TUT4: variants seen among roughly 807,000 people sequenced by gnomAD.
TUT4 encodes terminal uridylyl transferase 4, also known as terminal uridylyltransferase 4.
TUT4 carries 36 observed loss-of-function variants against 192.2 expected under a neutral mutation model. The ratio of observed to expected loss-of-function variants is 0.19; its 90% CI spans 0.14 to 0.25. TUT4 has a LOEUF of 0.25. TUT4 is among the 10% of genes least tolerant of loss of function. The pLI, the probability that TUT4 is intolerant of heterozygous loss-of-function variation, is 1.00. For synonymous variants in TUT4, 618 were observed against 666.0 expected (o/e 0.93, Z 1.11); for missense variants, 1,493 against 1,957.2 (o/e 0.76, Z 4.47).
At chr1:52,437,119 T>C in intron 25 of TUT4, 141 bp from the exon 26 acceptor site, 1 of 1,152,014 alleles carries the variant, frequency 8.7e-7, no homozygotes, top group South Asian at 1.8e-5. Context: ...CAAACATTTA[T>C]GGCACACCTG....
chr1:52,434,025 T>C (rs530409903), intron 27 of TUT4: 1 of 152,340 alleles, frequency 6.6e-6, no homozygotes, highest in East Asian at 1.9e-4. Context: ...TTATTTTCTA[T>C]ACTTTTCTGT....
chr1:52,479,509 T>A (rs1667941643), intron 11 of TUT4, among the ~76,000 whole-genome samples: 1 of 152,024 alleles, frequency 6.6e-6, no homozygotes, highest in Admixed American at 6.6e-5. Flanking sequence ...ATGACAGGAT[T>A]TCCTGACAAG....
At position 52,438,313 on chromosome 1, in the gene TUT4, A is replaced by T. The variant is rs372832198; in HGVS notation, c.3845T>A (p.Val1282Glu). ...GGGAGCCAGTTCTCCATCTGTTAATACTCTGGAATCAAAGAAGTACTCCTA... is the reference window on the plus strand; with the variant it reads ...GGGAGCCAGTTCTCCATCTGTTAATTCTCTGGAATCAAAGAAGTACTCCTA... ...REAEYFFDSR[V>E]LTDGELAPND... Residue 1282 changes from valine (V) to glutamate (E), a missense_variant, in exon 25 of 30, where the codon GTA becomes GAA. Transcript: ENST00000257177. The T allele has an allele frequency of 6.2e-7, 1 of 1,612,872 alleles. No homozygotes were observed. Among genetic ancestry groups the T allele is most frequent in the African/African-American group, 1.3e-5 (1 of 74,890 alleles).
intron 7 of TUT4, among the ~76,000 whole-genome samples, chr1:52,492,993 T>C (rs1671554315): frequency 6.6e-6 from 1 of 152,278 alleles, no homozygotes; most frequent in African/African-American, 2.4e-5. Flanking sequence ...TTATAGGTTT[T>C]GTCTTCTTTT....
Position 52,477,651 on chromosome 1 carries a change from G to C in TUT4, c.2023+57C>G, listed in dbSNP as rs1667447401. ...CCAAAGGATTATTAACACTGAATTA[G>C]ATAATGAGTAGCACATAAAAAATAT... On this transcript the variant is annotated intron_variant, in intron 12 of 29. Coordinates refer to ENST00000257177, the MANE Select transcript of TUT4 (RefSeq NM_001009881.3). 3.1e-5 allele frequency: 46 copies of C among 1,479,224 alleles called. 1 individual carries two copies. In the South Asian group the frequency reaches 5.8e-4, roughly 19 times the overall value. 91.6% of individuals were successfully genotyped at this position (1,479,224 alleles called of 1,614,324 possible).
chr1:52,442,180 A>AAAAAAT (rs1314366864), intron 24 of TUT4, among the ~76,000 whole-genome samples: 1 of 150,706 alleles, frequency 6.6e-6, no homozygotes, highest in African/African-American at 2.5e-5. Context: ...AAAAAAAAAA[A>AAAAAAT]AAAGCCAAAG....
intron 16 of TUT4, chr1:52,463,513 A>C (rs1663194221): frequency 6.4e-6 from 7 of 1,092,306 alleles, no homozygotes; most frequent in Admixed American, 4.4e-5. Flanking sequence ...AGAAAAGCAC[A>C]CTATTCTGCT....
intron 29 of TUT4, 139 bp downstream of exon 29, chr1:52,425,207 CCAT>C (rs1649438105): frequency 9.6e-7 from 1 of 1,046,288 alleles, no homozygotes. Flanking sequence ...GCACCTAGCA[CCAT>C]CTGACACACA....
chr1:52,496,914 G>A (rs553994075), intron 5 of TUT4, 92 bp downstream of exon 5: 4 of 1,227,478 alleles, frequency 3.3e-6, no homozygotes, highest in African/African-American at 3.1e-5. Context: ...AGGAGAAAAG[G>A]GAAGAAAAAC....
intron 3 of TUT4, among the ~76,000 whole-genome samples, chr1:52,511,389 C>T (rs1677117894): frequency 6.6e-6 from 1 of 152,102 alleles, no homozygotes; most frequent in Non-Finnish European, 1.5e-5. Flanking sequence ...ATATATTGAG[C>T]TCATATTATA....
chr1:52,426,280 A>G (rs922342799), intron 28 of TUT4, among the ~76,000 whole-genome samples: 2 of 152,200 alleles, frequency 1.3e-5, no homozygotes, highest in Non-Finnish European at 2.9e-5. Context: ...TAACCAAAAG[A>G]AAGTAGCTTG....
At chr1:52,539,240 T>C (rs17373654) in intron 1 of TUT4, among the ~76,000 whole-genome samples, 4,252 of 152,202 alleles carry the variant, frequency 0.028, 80 homozygotes, top group South Asian at 0.063. Context: ...TCAAGGAAAG[T>C]AGAGTTGAAT....
chr1:52,482,571 C>A (rs930119930), intron 9 of TUT4, among the ~76,000 whole-genome samples: 4 of 152,156 alleles, frequency 2.6e-5, no homozygotes, highest in African/African-American at 9.7e-5. Context: ...GGACTACAGG[C>A]ATGCACCACC....
chr1:52,461,072 ATTAG>A, intron 19 of TUT4, 58 bp downstream of exon 19: 2 of 1,382,588 alleles, frequency 1.4e-6, no homozygotes, highest in Non-Finnish European at 2.0e-6. Context: ...CAAATCTGAC[ATTAG>A]TTATGTTTCA....
intron 11 of TUT4, among the ~76,000 whole-genome samples, chr1:52,480,823 G>C (rs1668316144): frequency 6.6e-6 from 1 of 152,170 alleles, no homozygotes; most frequent in Non-Finnish European, 1.5e-5. Flanking sequence ...AGTAGTACAG[G>C]AAAGTGGAAG....
chr1:52,530,415 T>C (rs533342133), intron 1 of TUT4, among the ~76,000 whole-genome samples: 24 of 152,272 alleles, frequency 1.6e-4, no homozygotes, highest in African/African-American at 5.3e-4. Context: ...AGGCATGCAA[T>C]GTAAAACAAG....
chr1:52,463,725 A>C, intron 16 of TUT4: 1 of 1,304,246 alleles, frequency 7.7e-7, no homozygotes, highest in Non-Finnish European at 1.0e-6. Flanking sequence ...TCCCTGTCCA[A>C]TCAGTCTTTT....
chr1:52,483,218 C>T (rs1668949663), intron 9 of TUT4, among the ~76,000 whole-genome samples: 1 of 152,004 alleles, frequency 6.6e-6, no homozygotes, highest in South Asian at 2.1e-4. Flanking sequence ...GTTTACTAAC[C>T]ATTTGGGATT....
intron 1 of TUT4, among the ~76,000 whole-genome samples, chr1:52,527,089 G>A (rs1244134323): frequency 2.0e-5 from 3 of 152,000 alleles, no homozygotes; most frequent in Non-Finnish European, 2.9e-5. Flanking sequence ...AATCCTAAAT[G>A]GTAAAATCTT....
Sources: gnomAD v4.1 joint callset for allele counts (sites outside exome capture counted in the v4.1 genomes callset) on GRCh38, gnomAD v4.1.1 for gene constraint, MANE v1.5 for transcripts, NCBI Gene and HGNC (gene_info 2026-07-23, HGNC 2026-07-21) for gene names.